The following LRFN2 variants were observed in gnomAD, a reference collection of about 807,000 sequenced individuals.
LRFN2 encodes leucine-rich repeat and fibronectin type-III domain-containing protein 2.
Under a neutral mutation model 37.3 loss-of-function variants are expected in LRFN2, and 18 were observed. The observed-to-expected ratio is 0.48, with a 90% confidence interval of 0.33 to 0.72. The LOEUF is 0.72. LRFN2 is among the 30% of genes least tolerant of loss of function. LRFN2 has a pLI of 0.02. For synonymous variants in LRFN2, 556 were observed against 466.6 expected (o/e 1.19, Z -2.47); for missense variants, 1,006 against 1,060.7 (o/e 0.95, Z 0.72).
intron 1 of LRFN2, among the ~76,000 whole-genome samples, chr6:40,469,052 G>A (rs1764536537): frequency 6.6e-6 from 1 of 152,198 alleles, no homozygotes; most frequent in African/African-American, 2.4e-5. Flanking sequence ...TTAAGGTGAT[G>A]TGATTGTCCT....
intron 2 of LRFN2, among the ~76,000 whole-genome samples, chr6:40,403,594 C>A (rs545438235): frequency 6.6e-6 from 1 of 152,290 alleles, no homozygotes; most frequent in Admixed American, 6.5e-5. Context: ...GGCTCTGAGA[C>A]AAAGCACCCC....
chr6:40,447,015 G>T (rs899091173), intron 1 of LRFN2, among the ~76,000 whole-genome samples: 6 of 151,564 alleles, frequency 4.0e-5, no homozygotes, highest in Non-Finnish European at 8.8e-5. Context: ...TGGGATTGGG[G>T]CTGCGTCTCC....
intron 1 of LRFN2, among the ~76,000 whole-genome samples, chr6:40,573,440 T>C (rs1290930219): frequency 6.6e-6 from 1 of 152,206 alleles, no homozygotes; most frequent in African/African-American, 2.4e-5. Context: ...TTTGCTGTAA[T>C]TTGCCTAAGT....
chr6:40,435,076 G>T (rs542278785), intron 1 of LRFN2, among the ~76,000 whole-genome samples: 1 of 134,952 alleles, frequency 7.4e-6, no homozygotes, highest in African/African-American at 2.7e-5. Context: ...GAGAGAGAGA[G>T]AGAGAGAGAG....
At chr6:40,558,019 A>C (rs1766922964) in intron 1 of LRFN2, among the ~76,000 whole-genome samples, 1 of 152,220 alleles carries the variant, frequency 6.6e-6, no homozygotes, top group South Asian at 2.1e-4. Context: ...GAAAGAAGAA[A>C]TATATTCCAG....
At chr6:40,427,175 T>A (rs1010523661) in intron 2 of LRFN2, among the ~76,000 whole-genome samples, 2 of 152,242 alleles carry the variant, frequency 1.3e-5, no homozygotes, top group Non-Finnish European at 2.9e-5. Flanking sequence ...TTCTGTGTAG[T>A]TATCAATCTT....
chr6:40,508,827 C>T (rs1765614179), intron 1 of LRFN2, among the ~76,000 whole-genome samples: 1 of 152,204 alleles, frequency 6.6e-6, no homozygotes, highest in Non-Finnish European at 1.5e-5. Context: ...TCTCCCCACT[C>T]AACACACTGT....
chr6:40,575,757 G>C (rs765781620), intron 1 of LRFN2, among the ~76,000 whole-genome samples: 2 of 151,326 alleles, frequency 1.3e-5, no homozygotes, highest in Non-Finnish European at 2.9e-5. Context: ...GTGACAGCAT[G>C]CATCCTGGTT....
chr6:40,581,013 T>C (rs1767388007), intron 1 of LRFN2, among the ~76,000 whole-genome samples: 1 of 152,094 alleles, frequency 6.6e-6, no homozygotes, highest in African/African-American at 2.4e-5. Flanking sequence ...GGTGTGTGTG[T>C]ATGAATGTGT....
rs576271814 is a variant in LRFN2 at position 40,394,989 on chromosome 6, G to A, written c.1401-2077C>T. On this transcript the variant is annotated intron_variant, in intron 2 of 2. Transcript: ENST00000338305. ...TTTTTTTTGTAAATTATCCAGTCTC[G>A]TGTATGTCTTTATCAGCAGCGTGAA... Among the ~76,000 whole-genome samples, 5 of 135,406 alleles carry A rather than the reference G, an allele frequency of 3.7e-5. No homozygotes were observed. In the South Asian group the frequency reaches 6.9e-4, roughly 19 times the overall value. The allele number at this position is 135,406 out of a possible 152,430, so 88.8% of individuals were successfully genotyped here.
chr6:40,415,821 G>A (rs1303332457), intron 2 of LRFN2, among the ~76,000 whole-genome samples: 1 of 152,246 alleles, frequency 6.6e-6, no homozygotes, highest in Non-Finnish European at 1.5e-5. Context: ...AGGCAAGGAT[G>A]GAGGAAGGCA....
intron 1 of LRFN2, among the ~76,000 whole-genome samples, chr6:40,488,089 C>T (rs533827532): frequency 6.6e-6 from 1 of 152,048 alleles, no homozygotes; most frequent in Non-Finnish European, 1.5e-5. Flanking sequence ...CGAAAGCCAA[C>T]CAAAAAAGGC....
intron 1 of LRFN2, among the ~76,000 whole-genome samples, chr6:40,540,988 G>C (rs761554053): frequency 3.9e-5 from 6 of 152,236 alleles, no homozygotes; most frequent in Non-Finnish European, 1.5e-5. Flanking sequence ...ACAAGTGCTT[G>C]TGAGCTATGC....
chr6:40,462,209 C>T (rs17625913), intron 1 of LRFN2, among the ~76,000 whole-genome samples: 1,670 of 152,274 alleles, frequency 0.011, 10 homozygotes, highest in Non-Finnish European at 0.018. Context: ...TGTTGCCTTG[C>T]GCTCCCGTTC....
intron 1 of LRFN2, among the ~76,000 whole-genome samples, chr6:40,435,060 G>T (rs868451011): frequency 0.014 from 1,453 of 107,468 alleles, 2 homozygotes; most frequent in Non-Finnish European, 0.018. Context: ...TATAGAGAGA[G>T]AGAGAGAGAG....
intron 2 of LRFN2, among the ~76,000 whole-genome samples, chr6:40,413,439 G>A (rs755770913): frequency 2.0e-5 from 3 of 152,160 alleles, no homozygotes; most frequent in Non-Finnish European, 4.4e-5. Context: ...AGCTCTGGGG[G>A]GATGATGACT....
chr6:40,569,261 A>G (rs1767145050), intron 1 of LRFN2, among the ~76,000 whole-genome samples: 1 of 152,198 alleles, frequency 6.6e-6, no homozygotes, highest in Non-Finnish European at 1.5e-5. Context: ...ATGGGAGCCT[A>G]TTGTTTCAAG....
intron 1 of LRFN2, among the ~76,000 whole-genome samples, chr6:40,561,627 C>A (rs1057040658): frequency 2.0e-5 from 3 of 152,186 alleles, no homozygotes; most frequent in African/African-American, 7.2e-5. Flanking sequence ...TGGGCTTCCA[C>A]AGAAGGTGCC....
chr6:40,563,970 G>A (rs547190622), intron 1 of LRFN2, among the ~76,000 whole-genome samples: 6 of 152,230 alleles, frequency 3.9e-5, no homozygotes, highest in South Asian at 4.2e-4. Context: ...CTTACCAACC[G>A]TGGTCCAGGC....
Sources: gnomAD v4.1 joint callset for allele counts (sites outside exome capture counted in the v4.1 genomes callset) on GRCh38, gnomAD v4.1.1 for gene constraint, MANE v1.5 for transcripts, NCBI Gene and HGNC (gene_info 2026-07-23, HGNC 2026-07-21) for gene names.